Variants in R3HDM2 observed in about 807,000 individuals in gnomAD.
R3HDM2 encodes R3H domain containing 2, also known as R3H domain-containing protein 2.
A neutral mutation model predicts 124.5 loss-of-function variants in R3HDM2; 38 were observed. That is an observed-to-expected ratio of 0.31 (90% confidence interval 0.24 to 0.40). The LOEUF is 0.40. Ranked by LOEUF, R3HDM2 falls within the 10% of genes least tolerant of loss-of-function variation. The pLI, the probability that R3HDM2 is intolerant of heterozygous loss-of-function variation, is 1.00. For missense variants in R3HDM2, 869 were observed against 1,236.9 expected (o/e 0.70, Z 4.46); for synonymous variants, 391 against 448.0 (o/e 0.87, Z 1.61).
At chr12:57,315,037 C>CTT (rs528938932) in intron 2 of R3HDM2, among the ~76,000 whole-genome samples, 4 of 143,306 alleles carry the variant, frequency 2.8e-5, no homozygotes, top group East Asian at 4.0e-4. Context: ...TTTTCTATTT[C>CTT]TTTTTTTTTT....
chr12:57,365,023 G>A (rs1397908525), intron 2 of R3HDM2, among the ~76,000 whole-genome samples: 1 of 150,984 alleles, frequency 6.6e-6, no homozygotes, highest in Admixed American at 6.6e-5. Context: ...AGCACTTCGG[G>A]AGGCTGAGGC....
At chr12:57,311,576 T>G (rs1008750045) in intron 2 of R3HDM2, among the ~76,000 whole-genome samples, 1 of 152,110 alleles carries the variant, frequency 6.6e-6, no homozygotes, top group Non-Finnish European at 1.5e-5. Context: ...TCTTGGTATA[T>G]TGCCCAAACT....
intron 3 of R3HDM2, 30 bp downstream of exon 3, chr12:57,310,233 AG>A (rs201300752): frequency 3.4e-6 from 4 of 1,166,232 alleles, no homozygotes; most frequent in Non-Finnish European, 4.7e-6. Flanking sequence ...AAAAAAAAAA[AG>A]TGTGCATACA....
At chr12:57,397,943 G>A (rs979436631) in intron 1 of R3HDM2, among the ~76,000 whole-genome samples, 1 of 152,202 alleles carries the variant, frequency 6.6e-6, no homozygotes, top group Non-Finnish European at 1.5e-5. Context: ...CAGCACTTTG[G>A]GAGGCTAAGG....
chr12:57,365,915 G>A (rs916229857), intron 2 of R3HDM2, among the ~76,000 whole-genome samples: 5 of 140,408 alleles, frequency 3.6e-5, no homozygotes, highest in African/African-American at 1.0e-4. Context: ...CAGACTGGGC[G>A]ACAGAGCAAG....
intron 19 of R3HDM2, among the ~76,000 whole-genome samples, chr12:57,261,338 T>C (rs1357778829): frequency 6.6e-6 from 1 of 152,140 alleles, no homozygotes; most frequent in Non-Finnish European, 1.5e-5. Flanking sequence ...TAATTAAATC[T>C]ATTGTTTTTC....
intron 2 of R3HDM2, among the ~76,000 whole-genome samples, chr12:57,356,898 G>A (rs1034356004): frequency 4.6e-5 from 7 of 152,066 alleles, no homozygotes; most frequent in Non-Finnish European, 1.0e-4. Context: ...GCGAGGTCAG[G>A]AAATCGAGAC....
chr12:57,356,782 T>C (rs1419021374), intron 2 of R3HDM2, among the ~76,000 whole-genome samples: 1 of 152,236 alleles, frequency 6.6e-6, no homozygotes, highest in East Asian at 1.9e-4. Flanking sequence ...CTTTAGCAGT[T>C]TGTGTCTTTC....
At chr12:57,261,846 G>A (rs556420019) in intron 19 of R3HDM2, among the ~76,000 whole-genome samples, 2 of 151,764 alleles carry the variant, frequency 1.3e-5, no homozygotes, top group South Asian at 4.2e-4. Flanking sequence ...GGCAGCCAGT[G>A]GGAAGTGGGA....
Position 57,283,937 on chromosome 12 carries a change from C to T in R3HDM2, c.1058G>A (p.Ser353Asn), listed in dbSNP as rs1274126744. The T allele has an allele frequency of 1.2e-6, 2 of 1,614,006 alleles. No individual in the cohort carries two copies. The highest frequency in any genetic ancestry group is 8.5e-7 in the Non-Finnish European group (1 of 1,180,034). ...AGCTTTGGTGACAGGGGGTCGCATG[C>T]TCCGGACAGAGCCATCAGAGTCTGT... ...SSTDSDGSVR[S>N]MRPPVTKASS... The change falls in exon 13 of 24, where the codon AGC (serine) becomes AAC (asparagine). Residue 353 changes from serine to asparagine, a missense_variant. Coordinates refer to ENST00000402412, the MANE Select transcript of R3HDM2 (RefSeq NM_001394031.1).
intron 2 of R3HDM2, among the ~76,000 whole-genome samples, chr12:57,329,624 A>C (rs1241577821): frequency 6.6e-6 from 1 of 152,224 alleles, no homozygotes; most frequent in East Asian, 1.9e-4. Context: ...TCTTATGAGT[A>C]ACATATTCCC....
intron 12 of R3HDM2, chr12:57,288,800 A>T: frequency 6.9e-7 from 1 of 1,440,214 alleles, no homozygotes; most frequent in Non-Finnish European, 9.5e-7. Context: ...AAAAGATTAC[A>T]GCAAAACAAA....
rs1477963051 is a variant in R3HDM2 at position 57,254,081 on chromosome 12, C to T, written c.*692G>A. The T allele has an allele frequency of 2.4e-6, 1 of 421,960 alleles. No individual in the cohort carries two copies. The highest frequency in any genetic ancestry group is 4.6e-6 in the Non-Finnish European group (1 of 217,834). 26.1% of individuals were successfully genotyped at this position (421,960 alleles called of 1,614,324 possible). A position where few individuals can be genotyped will look rare whatever the true frequency, so the allele number is the denominator to read the frequency against. On this transcript the variant is annotated 3_prime_UTR_variant, in exon 24 of 24. Transcript: ENST00000402412. ...TCCATATAAATATATTCATAAAGAC[C>T]AAAAAAGGAAAGGAAGCTTGGGATG... is the stretch of plus-strand genomic sequence containing the variant.
At chr12:57,423,503 G>A (rs920554872) in intron 1 of R3HDM2, among the ~76,000 whole-genome samples, 2 of 151,866 alleles carry the variant, frequency 1.3e-5, no homozygotes, top group Non-Finnish European at 2.9e-5. Flanking sequence ...GTTGCTGGGA[G>A]CTGTCTCTAC....
At chr12:57,402,294 C>CA (rs535082591) in intron 1 of R3HDM2, among the ~76,000 whole-genome samples, 335 of 130,510 alleles carry the variant, frequency 2.6e-3, no homozygotes, top group East Asian at 3.5e-3. Flanking sequence ...GACTCCATCT[C>CA]AAAAAAAAAA....
chr12:57,388,794 A>C (rs1160921796), intron 2 of R3HDM2, among the ~76,000 whole-genome samples: 1 of 152,142 alleles, frequency 6.6e-6, no homozygotes, highest in African/African-American at 2.4e-5. Context: ...AGGGGGAAAA[A>C]GTTATAAAAA....
At chr12:57,307,377 G>A (rs1421547331) in intron 3 of R3HDM2, among the ~76,000 whole-genome samples, 2 of 151,870 alleles carry the variant, frequency 1.3e-5, no homozygotes, top group African/African-American at 4.8e-5. Context: ...GGAGTGCAGT[G>A]GTGCGATTTT....
At chr12:57,384,377 G>T (rs1259220224) in intron 2 of R3HDM2, among the ~76,000 whole-genome samples, 1 of 150,850 alleles carries the variant, frequency 6.6e-6, no homozygotes, top group Non-Finnish European at 1.5e-5. Context: ...GAAAAGAAAA[G>T]TAGGGAAACA....
chr12:57,256,822 C>CTTT lies in R3HDM2; in HGVS notation c.2450-314_2450-312dup, dbSNP rs757111053. Among the ~76,000 whole-genome samples the CTTT allele has an allele frequency of 2.9e-3, 407 of 141,190 alleles. 2 individuals carry two copies. Among genetic ancestry groups the CTTT allele is most frequent in the African/African-American group, 9.7e-3 (372 of 38,546 alleles). The allele number at this position is 141,190 out of a possible 152,430, so 92.6% of individuals were successfully genotyped here. A position where few individuals can be genotyped will look rare whatever the true frequency, so the allele number is the denominator to read the frequency against. ...ACCCTTATGAATGTCTTTTATCTCT[C>CTTT]TTTTTTTTTTTTTTTGAGACAGAGT... On this transcript the variant is annotated intron_variant, in intron 21 of 23. Transcript: ENST00000402412.
Sources: gnomAD v4.1 joint callset for allele counts (sites outside exome capture counted in the v4.1 genomes callset) on GRCh38, gnomAD v4.1.1 for gene constraint, MANE v1.5 for transcripts, NCBI Gene and HGNC (gene_info 2026-07-23, HGNC 2026-07-21) for gene names.